Variants in CACNA2D1 observed in about 807,000 individuals in gnomAD.
CACNA2D1 encodes the protein calcium voltage-gated channel auxiliary subunit alpha2delta 1.
Under a neutral mutation model 171.5 loss-of-function variants are expected in CACNA2D1, and 53 were observed. The observed-to-expected ratio is 0.31, with a 90% CI of 0.25 to 0.39. CACNA2D1 has a LOEUF of 0.39. Among genes scored for constraint, CACNA2D1 ranks in the 10% least tolerant of loss-of-function variants. The pLI is 1.00. For synonymous variants in CACNA2D1, 442 were observed against 443.1 expected, an observed-to-expected ratio of 1.00 and a Z score of 0.03; for missense variants, 903 against 1,299.8, an observed-to-expected ratio of 0.69 and a Z score of 4.69.
In CACNA2D1 at chr7:82,238,604, G is replaced by C. The variant is rs74874419; in HGVS notation, c.295-67995C>G. 3.5e-4 allele frequency among the ~76,000 whole-genome samples: 53 copies of C among 152,070 alleles called. 1 individual carries two copies. The East Asian group carries it at 9.1e-3, about 26-fold the overall frequency. On this transcript the variant is annotated intron_variant, in intron 3 of 38. Coordinates refer to ENST00000356860, the MANE Select transcript of CACNA2D1 (RefSeq NM_000722.4). ...GCAACGTTGCAGAAAAAAAAGAAAC[G>C]CTTATGCACTGTTGGTGGAAGTGTA...
intron 7 of CACNA2D1, among the ~76,000 whole-genome samples, chr7:82,066,968 T>A (rs1807711280): frequency 6.6e-6 from 1 of 152,138 alleles, no homozygotes; most frequent in African/African-American, 2.4e-5. Flanking sequence ...TGTAATAGCA[T>A]AATTTTACTC....
intron 4 of CACNA2D1, among the ~76,000 whole-genome samples, chr7:82,143,086 T>C (rs1376772419): frequency 6.6e-6 from 1 of 152,120 alleles, no homozygotes; most frequent in Admixed American, 6.6e-5. Context: ...GAGTAAATCA[T>C]TTTCAAGACA....
chr7:81,973,650 C>G (rs28663150), intron 25 of CACNA2D1, among the ~76,000 whole-genome samples: 24,276 of 151,842 alleles, frequency 0.16, 2,139 homozygotes, highest in African/African-American at 0.23. Context: ...ATTATGTGTA[C>G]TTATTCTTTT....
intron 3 of CACNA2D1, among the ~76,000 whole-genome samples, chr7:82,321,148 C>A (rs1473802858): frequency 6.6e-6 from 1 of 152,116 alleles, no homozygotes; most frequent in Non-Finnish European, 1.5e-5. Context: ...CCTATAACCC[C>A]AGCACTTTGG....
intron 1 of CACNA2D1, among the ~76,000 whole-genome samples, chr7:82,381,290 G>A (rs1823683324): frequency 6.7e-6 from 1 of 149,196 alleles, no homozygotes; most frequent in African/African-American, 2.5e-5. Flanking sequence ...CTCTAGCCTG[G>A]GCGAAAGAGC....
intron 3 of CACNA2D1, among the ~76,000 whole-genome samples, chr7:82,295,143 C>T (rs1221332435): frequency 6.6e-6 from 1 of 151,978 alleles, no homozygotes; most frequent in Non-Finnish European, 1.5e-5. Flanking sequence ...CTCAAATATT[C>T]TATAAAGGAA....
chr7:82,196,337 G>T (rs1202665118), intron 3 of CACNA2D1, among the ~76,000 whole-genome samples: 1 of 151,992 alleles, frequency 6.6e-6, no homozygotes, highest in Non-Finnish European at 1.5e-5. Context: ...ATGAGGTTTG[G>T]ATTTTGTCAT....
intron 24 of CACNA2D1, among the ~76,000 whole-genome samples, chr7:81,978,096 G>A (rs1796042385): frequency 1.3e-5 from 2 of 152,194 alleles, no homozygotes; most frequent in Non-Finnish European, 1.5e-5. Flanking sequence ...AATAGATGCT[G>A]GAGAGGATGT....
intron 35 of CACNA2D1, 142 bp from the exon 36 acceptor site, chr7:81,962,165 G>T: frequency 1.4e-6 from 1 of 740,090 alleles, no homozygotes; most frequent in Non-Finnish European, 2.3e-6. Flanking sequence ...TTACTGCTGT[G>T]TAATATCGTG....
chr7:82,355,321 A>G (rs1820299562), intron 1 of CACNA2D1, among the ~76,000 whole-genome samples: 2 of 152,176 alleles, frequency 1.3e-5, no homozygotes, highest in African/African-American at 4.8e-5. Flanking sequence ...ATAGACCTTG[A>G]CTAATAGGTA....
rs897655199 is a variant in CACNA2D1 at position 81,950,058 on chromosome 7, A to T, written c.*334T>A. On this transcript the variant is annotated 3_prime_UTR_variant, in exon 39 of 39. Transcript: ENST00000356860. ...CCAGGTCAATATCAAGACATTTCTT[A>T]TGGTTCATTAACAATTGTATGGGGA... 1.7e-4 allele frequency: 41 copies of T among 239,926 alleles called. No homozygotes were observed. The highest frequency in any genetic ancestry group is 2.5e-4 in the Non-Finnish European group (31 of 123,990). 14.9% of individuals were successfully genotyped at this position (239,926 alleles called of 1,614,324 possible).
intron 3 of CACNA2D1, among the ~76,000 whole-genome samples, chr7:82,223,273 T>A: frequency 6.6e-6 from 1 of 152,214 alleles, no homozygotes; most frequent in East Asian, 1.9e-4. Context: ...AAAGAAGTTT[T>A]GTACTTCCAA....
chr7:82,187,843 C>T (rs1797917295), intron 3 of CACNA2D1, among the ~76,000 whole-genome samples: 1 of 152,030 alleles, frequency 6.6e-6, no homozygotes, highest in Non-Finnish European at 1.5e-5. Flanking sequence ...ACTGGGAAGT[C>T]CAAGATCAAG....
At chr7:82,115,270 T>C (rs1788909506) in intron 6 of CACNA2D1, among the ~76,000 whole-genome samples, 1 of 152,136 alleles carries the variant, frequency 6.6e-6, no homozygotes, top group African/African-American at 2.4e-5. Context: ...GAAACTAAAG[T>C]GGAAAATATA....
chr7:82,201,255 G>A (rs558186388), intron 3 of CACNA2D1, among the ~76,000 whole-genome samples: 1 of 152,248 alleles, frequency 6.6e-6, no homozygotes, highest in East Asian at 1.9e-4. Flanking sequence ...AGAAAAGGAA[G>A]GTTAATGATT....
chr7:82,034,413 G>A (rs1279514099), intron 11 of CACNA2D1, among the ~76,000 whole-genome samples: 2 of 151,874 alleles, frequency 1.3e-5, no homozygotes, highest in African/African-American at 4.8e-5. Flanking sequence ...CCTGTTTCAG[G>A]TCATCTCATT....
At chr7:82,137,578 C>G (rs970086127) in intron 4 of CACNA2D1, among the ~76,000 whole-genome samples, 2 of 151,796 alleles carry the variant, frequency 1.3e-5, no homozygotes, top group African/African-American at 4.8e-5. Flanking sequence ...AACATAGATG[C>G]TGTAAAATTT....
At position 82,242,847 on chromosome 7, in the gene CACNA2D1, A is replaced by G. The variant is rs1160794104; in HGVS notation, c.295-72238T>C. On this transcript the variant is annotated intron_variant, in intron 3 of 38. Coordinates refer to ENST00000356860, the MANE Select transcript of CACNA2D1 (RefSeq NM_000722.4). ...TTGCAGAAAAATTAAATACTTTGTA[A>G]GAGCAAGAAAAAATGTATTTTGTTT... is the stretch of plus-strand genomic sequence containing the variant. Among the ~76,000 whole-genome samples, 3 of 152,216 alleles carry G rather than the reference A, an allele frequency of 2.0e-5. No individual in the cohort carries two copies. In the East Asian group the frequency reaches 5.8e-4, roughly 29 times the overall value.
chr7:82,379,486 T>G (rs1375719142), intron 1 of CACNA2D1, among the ~76,000 whole-genome samples: 1 of 152,188 alleles, frequency 6.6e-6, no homozygotes, highest in African/African-American at 2.4e-5. Flanking sequence ...AACTATTTGT[T>G]TTAGAAAAAA....
Sources: allele counts gnomAD v4.1 joint callset (sites outside exome capture counted in the v4.1 genomes callset), GRCh38; gene constraint gnomAD v4.1.1; transcripts MANE v1.5; gene names NCBI Gene and HGNC (gene_info 2026-07-23, HGNC 2026-07-21).